The following NEMF variants were observed in gnomAD, a reference collection of about 807,000 sequenced individuals.
The protein encoded by NEMF is nuclear export mediator factor.
NEMF carries 89 observed loss-of-function variants against 162.2 expected under a neutral mutation model. That is an observed-to-expected ratio of 0.55 (90% CI 0.46 to 0.65). The LOEUF is 0.65. Among genes scored for constraint, NEMF ranks in the 30% least tolerant of loss-of-function variants. The pLI is 0.00. For synonymous variants in NEMF, 421 were observed against 404.5 expected (o/e 1.04, Z -0.49); for missense variants, 1,133 against 1,261.9 (o/e 0.90, Z 1.55).
chr14:49,822,755 T>C (rs534189217), intron 16 of NEMF, among the ~76,000 whole-genome samples: 1 of 149,136 alleles, frequency 6.7e-6, no homozygotes, highest in East Asian at 2.0e-4. Flanking sequence ...AGGATGACAA[T>C]GTCTATGTGT....
At chr14:49,794,668 G>C (rs1890606170) in intron 26 of NEMF, among the ~76,000 whole-genome samples, 1 of 149,562 alleles carries the variant, frequency 6.7e-6, no homozygotes, top group South Asian at 2.1e-4. Context: ...TTTTAAAAGG[G>C]GTACACTGAT....
intron 26 of NEMF, among the ~76,000 whole-genome samples, chr14:49,794,718 C>CTT (rs10645758): frequency 0.18 from 24,524 of 137,568 alleles, 2,642 homozygotes; most frequent in Non-Finnish European, 0.21. Flanking sequence ...ACTGCTACAG[C>CTT]TTTTTTTTTT....
chr14:49,802,733 A>G lies in NEMF; in HGVS notation c.1916-6T>C, dbSNP rs1326816914. 1 of 1,605,112 alleles carries G rather than the reference A, an allele frequency of 6.2e-7. No homozygotes were observed. The highest frequency in any genetic ancestry group is 8.5e-7 in the Non-Finnish European group (1 of 1,173,590). ...AGGAAGAAAATTCTTTTTTCCTACA[A>G]AAGATAACGTACATTAATGCTTTGA... On this transcript the variant is annotated splice_region_variant and splice_polypyrimidine_tract_variant and intron_variant, in intron 20 of 32. Transcript: ENST00000298310.
intron 18 of NEMF, among the ~76,000 whole-genome samples, chr14:49,806,660 G>T (rs1012376841): frequency 6.6e-6 from 1 of 151,922 alleles, no homozygotes; most frequent in African/African-American, 2.4e-5. Flanking sequence ...TATTTACAGA[G>T]CAAGCTTTTA....
At chr14:49,845,876 T>C (rs1893474791) in intron 4 of NEMF, 1 of 505,856 alleles carries the variant, frequency 2.0e-6, no homozygotes, top group Non-Finnish European at 3.5e-6. Context: ...AAATGTCAAG[T>C]ACCAAATAAT....
At chr14:49,811,648 CACAA>C (rs1231775534) in intron 18 of NEMF, among the ~76,000 whole-genome samples, 2 of 152,124 alleles carry the variant, frequency 1.3e-5, no homozygotes, top group South Asian at 2.1e-4. Context: ...GTGTTTTTAT[CACAA>C]ACAAATGTTG....
At chr14:49,838,010 C>A in intron 6 of NEMF, 129 bp downstream of exon 6, 1 of 597,708 alleles carries the variant, frequency 1.7e-6, no homozygotes, top group Non-Finnish European at 2.8e-6. Context: ...CTTTCTTTGA[C>A]AATAAACTCC....
intron 18 of NEMF, among the ~76,000 whole-genome samples, chr14:49,808,688 C>A (rs1404250883): frequency 1.3e-5 from 2 of 150,740 alleles, no homozygotes; most frequent in Non-Finnish European, 2.9e-5. Context: ...AGAGGTCTAA[C>A]CTCAATCTTT....
intron 3 of NEMF, among the ~76,000 whole-genome samples, chr14:49,848,588 G>C (rs1024833126): frequency 3.9e-5 from 6 of 152,158 alleles, no homozygotes; most frequent in Admixed American, 3.3e-4. Flanking sequence ...TGTAATCCCA[G>C]CACTCTGGGA....
chr14:49,782,397 T>C lies in NEMF; in HGVS notation c.*2239A>G. ...TATGGCACACAGCTTGTGCCAGCGATGAAGGAGAAGTAATTGTTTTTGGTG... is the reference window on the plus strand; with the variant it reads ...TATGGCACACAGCTTGTGCCAGCGACGAAGGAGAAGTAATTGTTTTTGGTG... On this transcript the variant is annotated 3_prime_UTR_variant, in exon 33 of 33. Transcript: ENST00000298310. 1 of 1,612,782 alleles carries C rather than the reference T, an allele frequency of 6.2e-7. No individual in the cohort carries two copies. The highest frequency in any genetic ancestry group is 8.5e-7 in the Non-Finnish European group (1 of 1,178,888).
chr14:49,786,655 A>G lies in NEMF; in HGVS notation c.2928+63T>C. ...CTAAGTTTTAATAAGTTGTGTTTCAAACATTCTGGGAACTGAATTGTAATC... is the reference window on the plus strand; with the variant it reads ...CTAAGTTTTAATAAGTTGTGTTTCAGACATTCTGGGAACTGAATTGTAATC... On this transcript the variant is annotated intron_variant, in intron 29 of 32. Coordinates refer to ENST00000298310, the MANE Select transcript of NEMF (RefSeq NM_004713.6). The G allele has an allele frequency of 4.1e-6, 6 of 1,478,812 alleles. 1 individual carries two copies. The highest frequency in any genetic ancestry group is 3.5e-5 in the South Asian group (3 of 85,770). 91.6% of individuals were successfully genotyped at this position (1,478,812 alleles called of 1,614,324 possible).
At chr14:49,849,684 T>C (rs1893678497) in intron 3 of NEMF, 1 of 152,236 alleles carries the variant, frequency 6.6e-6, no homozygotes, top group Non-Finnish European at 1.5e-5. Context: ...CCTATTTCAT[T>C]GGCCTGTTAC....
chr14:49,837,383 G>A (rs1028613599), intron 6 of NEMF, among the ~76,000 whole-genome samples: 1 of 152,094 alleles, frequency 6.6e-6, no homozygotes, highest in African/African-American at 2.4e-5. Flanking sequence ...CAAGTGTGGT[G>A]GCTCACGTCT....
rs141282291 is a variant in NEMF, at chr14:49,806,081, G to A, written c.1797C>T (p.Cys599=). The A allele has an allele frequency of 2.5e-5, 41 of 1,612,004 alleles. No individual in the cohort carries two copies. The highest frequency in any genetic ancestry group is 1.7e-6 in the Non-Finnish European group (2 of 1,179,372). The change falls in exon 19 of 33, where the codon TGC becomes TGT. Residue 599 remains cysteine, a synonymous_variant. Transcript: ENST00000298310. The part of the protein sequence containing the change: ...TLTEAGTMAL[C]YSAAWDARVI... ...CTCGTGCATCCCAAGCAGCACTGTA[G>A]CAAAGTGCCATTGTGCCAGCTTCAG...
intron 26 of NEMF, 119 bp from the exon 27 acceptor site, chr14:49,789,692 C>G: frequency 7.4e-7 from 1 of 1,352,476 alleles, no homozygotes; most frequent in Non-Finnish European, 9.8e-7. Flanking sequence ...GAATAAGGCA[C>G]CATTATAATA....
Position 49,834,469 on chromosome 14 carries a change from T to C in NEMF, c.575-20A>G. On this transcript the variant is annotated intron_variant, in intron 6 of 32. Transcript: ENST00000298310. ...CATAGGCTATAAATGCAGAGGATATTACTTTTAGTATTTTCCTATAAATTC... is the reference window on the plus strand; with the variant it reads ...CATAGGCTATAAATGCAGAGGATATCACTTTTAGTATTTTCCTATAAATTC... The C allele has an allele frequency of 7.0e-7, 1 of 1,434,516 alleles. No homozygotes were observed. Among genetic ancestry groups the C allele is most frequent in the Non-Finnish European group, 9.7e-7 (1 of 1,029,456 alleles). 88.9% of individuals were successfully genotyped at this position (1,434,516 alleles called of 1,614,324 possible). A position where few individuals can be genotyped will look rare whatever the true frequency, so the allele number is the denominator to read the frequency against.
At chr14:49,806,800 T>C (rs186663454) in intron 18 of NEMF, among the ~76,000 whole-genome samples, 1 of 152,178 alleles carries the variant, frequency 6.6e-6, no homozygotes, top group African/African-American at 2.4e-5. Flanking sequence ...TTAAAATAGA[T>C]TGGCTGAATC....
intron 18 of NEMF, 121 bp from the exon 19 acceptor site, chr14:49,806,254 A>ATTTT (rs1382049259): frequency 6.0e-4 from 10 of 16,562 alleles, no homozygotes; most frequent in African/African-American, 2.1e-3. Context: ...ATATATATAT[A>ATTTT]TATTTTTTTT....
Position 49,829,348 on chromosome 14 carries a change from C to T in NEMF, c.1023+1G>A, listed in dbSNP as rs1313794626. 1.9e-6 allele frequency: 3 copies of T among 1,614,042 alleles called. No individual in the cohort carries two copies. Among genetic ancestry groups the T allele is most frequent in the East Asian group, 2.2e-5 (1 of 44,874 alleles). On this transcript the variant is annotated splice_donor_variant, in intron 12 of 32. Coordinates refer to ENST00000298310, the MANE Select transcript of NEMF (RefSeq NM_004713.6). LOFTEE classifies it high-confidence loss of function. Reference sequence around the variant, plus strand: ...AGCACTGAGAAAGCCAAACATAATACCTGAGCCTGCTGAAGAGCTTCCAAT... The same window carrying T: ...AGCACTGAGAAAGCCAAACATAATATCTGAGCCTGCTGAAGAGCTTCCAAT...
Sources: allele counts gnomAD v4.1 joint callset (sites outside exome capture counted in the v4.1 genomes callset), GRCh38; gene constraint gnomAD v4.1.1; transcripts MANE v1.5; gene names NCBI Gene and HGNC (gene_info 2026-07-23, HGNC 2026-07-21).